The following SDHC variants were observed in gnomAD, a reference collection of about 807,000 sequenced individuals.
SDHC encodes succinate dehydrogenase complex subunit C, also known as succinate dehydrogenase cytochrome b560 subunit, mitochondrial.
A neutral mutation model predicts 22.6 loss-of-function variants in SDHC; 11 were observed. The ratio of observed to expected loss-of-function variants is 0.49; its 90% CI spans 0.31 to 0.81. The LOEUF (loss-of-function observed/expected upper bound fraction) is 0.81. SDHC is among the 30% of genes least tolerant of loss of function. The pLI, the probability that SDHC is intolerant of heterozygous loss-of-function variation, is 0.05. For synonymous variants in SDHC, 80 were observed against 77.8 expected (o/e 1.03, Z -0.15); for missense variants, 160 against 212.0 (o/e 0.75, Z 1.52).
rs1380440171 is a variant in SDHC, at chr1:161,314,537, A to G, written c.20+112A>G. 5 of 1,353,272 alleles carry G rather than the reference A, an allele frequency of 3.7e-6. No individual in the cohort carries two copies. In the Admixed American group the frequency reaches 9.1e-5, roughly 25 times the overall value. 83.8% of individuals were successfully genotyped at this position (1,353,272 alleles called of 1,614,324 possible). ...CTGTGCCTGGGCAGGGAAAGGACCC[A>G]TGGGTGTGGAGGCCAAGCGCTCGGG... On this transcript the variant is annotated intron_variant, in intron 1 of 5. Transcript: ENST00000367975.
At chr1:161,319,125 G>A (rs911722855) in intron 1 of SDHC, among the ~76,000 whole-genome samples, 3 of 152,160 alleles carry the variant, frequency 2.0e-5, no homozygotes, top group African/African-American at 7.2e-5. Flanking sequence ...GAAGGCTGAG[G>A]CAGGAGAATC....
intron 4 of SDHC, among the ~76,000 whole-genome samples, chr1:161,354,229 T>C (rs1672188758): frequency 6.6e-6 from 1 of 152,210 alleles, no homozygotes; most frequent in East Asian, 1.9e-4. Flanking sequence ...TCAGATTGGA[T>C]ACTGCCACCC....
chr1:161,339,339 C>A (rs892756455), intron 3 of SDHC, among the ~76,000 whole-genome samples: 2 of 146,164 alleles, frequency 1.4e-5, no homozygotes, highest in African/African-American at 5.3e-5. Flanking sequence ...TCTGCCACCA[C>A]ACCCAGCTAA....
chr1:161,360,736 GA>G (rs1672479309), intron 5 of SDHC, among the ~76,000 whole-genome samples: 1 of 151,912 alleles, frequency 6.6e-6, no homozygotes, highest in South Asian at 2.1e-4. Flanking sequence ...GTATTAAAAA[GA>G]AAAGTGGGTT....
chr1:161,334,401 A>G (rs1396415181), intron 3 of SDHC, among the ~76,000 whole-genome samples: 1 of 151,778 alleles, frequency 6.6e-6, no homozygotes, highest in African/African-American at 2.4e-5. Flanking sequence ...ATAATCTAGG[A>G]TAGTCTATGT....
In SDHC at chr1:161,356,534, G is replaced by C. The variant is rs891840825; in HGVS notation, c.242-143G>C. On this transcript the variant is annotated intron_variant, in intron 4 of 5. Coordinates refer to ENST00000367975, the MANE Select transcript of SDHC (RefSeq NM_003001.5). The stretch of plus-strand genomic sequence containing the variant: ...AGCCTGGGTGACAGAATGAGACTCT[G>C]TCTCAAGAAAAAAAGAAAACAAAAA... The C allele has an allele frequency of 3.4e-6, 3 of 878,018 alleles. No individual in the cohort carries two copies. The Admixed American group carries it at 6.0e-5, about 17-fold the overall frequency. The allele number at this position is 878,018 out of a possible 1,614,324, so 54.4% of individuals were successfully genotyped here.
chr1:161,329,393 G>A lies in SDHC; in HGVS notation c.179+896G>A, dbSNP rs373187672. ...GTCACCCAGGCTGGAGTGCAGTGGT[G>A]CGATCTAGGCCCACCGCAACCCCTA... On this transcript the variant is annotated intron_variant, in intron 3 of 5. Transcript: ENST00000367975. 2.0e-3 allele frequency among the ~76,000 whole-genome samples: 299 copies of A among 152,154 alleles called. 1 individual carries two copies. The highest frequency in any genetic ancestry group is 0.01 in the Middle Eastern group (3 of 294).
chr1:161,350,823 T>A (rs2102357991), intron 4 of SDHC, among the ~76,000 whole-genome samples: 1 of 152,240 alleles, frequency 6.6e-6, no homozygotes. Context: ...TTTCCAACAG[T>A]TTTCTATGAG....
At chr1:161,332,208 C>T (rs1671302820) in intron 3 of SDHC, among the ~76,000 whole-genome samples, 1 of 152,134 alleles carries the variant, frequency 6.6e-6, no homozygotes. Context: ...CCCCTGAGCT[C>T]AAGCGATCCT....
chr1:161,320,365 G>A (rs995835596), intron 1 of SDHC, among the ~76,000 whole-genome samples: 1 of 151,920 alleles, frequency 6.6e-6, no homozygotes, highest in Non-Finnish European at 1.5e-5. Flanking sequence ...TTTTATTGTT[G>A]CTGTTACCTA....
At chr1:161,362,110 A>G (rs1175297529) in intron 5 of SDHC, among the ~76,000 whole-genome samples, 1 of 152,116 alleles carries the variant, frequency 6.6e-6, no homozygotes, top group Non-Finnish European at 1.5e-5. Context: ...TCACCACACA[A>G]TAGAACCTGA....
intron 4 of SDHC, among the ~76,000 whole-genome samples, chr1:161,344,002 A>C (rs999955617): frequency 1.3e-5 from 2 of 152,070 alleles, no homozygotes; most frequent in Non-Finnish European, 2.9e-5. Flanking sequence ...GCTTGAGCCC[A>C]GGAATTCGAG....
chr1:161,331,702 TCTC>T (rs1172915405), intron 3 of SDHC, among the ~76,000 whole-genome samples: 2 of 151,628 alleles, frequency 1.3e-5, no homozygotes, highest in Non-Finnish European at 2.9e-5. Context: ...TTCACGCGGT[TCTC>T]CTGCCTCAGC....
intron 4 of SDHC, among the ~76,000 whole-genome samples, chr1:161,343,315 C>A (rs182633748): frequency 6.6e-6 from 1 of 152,078 alleles, no homozygotes; most frequent in African/African-American, 2.4e-5. Flanking sequence ...GAGACATTGG[C>A]AGGAATTATC....
At chr1:161,350,548 CA>C (rs1321024980) in intron 4 of SDHC, among the ~76,000 whole-genome samples, 5 of 151,960 alleles carry the variant, frequency 3.3e-5, no homozygotes, top group Admixed American at 6.6e-5. Context: ...TAAATATGTA[CA>C]ATTTTTTCAT....
intron 3 of SDHC, among the ~76,000 whole-genome samples, chr1:161,337,243 T>C (rs1671530389): frequency 6.6e-6 from 1 of 152,132 alleles, no homozygotes; most frequent in Admixed American, 6.6e-5. Context: ...TGAAGAAGAC[T>C]TGTCTTTGCT....
intron 3 of SDHC, among the ~76,000 whole-genome samples, chr1:161,334,956 TC>T (rs1671415793): frequency 6.6e-6 from 1 of 152,154 alleles, no homozygotes; most frequent in Admixed American, 6.6e-5. Context: ...AAACCGTAGG[TC>T]CCATTCAAAT....
intron 1 of SDHC, among the ~76,000 whole-genome samples, chr1:161,316,692 A>T (rs766698584): frequency 1.3e-5 from 2 of 152,286 alleles, no homozygotes; most frequent in South Asian, 2.1e-4. Flanking sequence ...TCCATTTCTC[A>T]TAAGGGATTT....
intron 3 of SDHC, 61 bp from the exon 4 acceptor site, chr1:161,340,533 G>A: frequency 7.0e-7 from 1 of 1,420,954 alleles, no homozygotes; most frequent in Admixed American, 1.7e-5. Flanking sequence ...TGCCAAGATA[G>A]ACTCTCTACT....
Sources: allele counts gnomAD v4.1 joint callset (sites outside exome capture counted in the v4.1 genomes callset), GRCh38; gene constraint gnomAD v4.1.1; transcripts MANE v1.5; gene names NCBI Gene and HGNC (gene_info 2026-07-23, HGNC 2026-07-21).